Variants in GANC observed in about 807,000 individuals in gnomAD.
The protein encoded by GANC is glucosidase alpha, neutral C.
Under a neutral mutation model 124.2 loss-of-function variants are expected in GANC, and 117 were observed. The observed-to-expected ratio is 0.94, with a 90% CI of 0.81 to 1.10. The LOEUF is 1.10. GANC is among the 50% of genes least tolerant of loss of function. The probability of loss-of-function intolerance (pLI) is 0.00; values close to 1 mark genes in which losing one functional copy is unlikely to be tolerated. For synonymous variants in GANC, 377 were observed against 376.8 expected, an observed-to-expected ratio of 1.00 and a Z score of -0.01; for missense variants, 1,140 against 1,095.0, an observed-to-expected ratio of 1.04 and a Z score of -0.58.
intron 10 of GANC, 120 bp from the exon 11 acceptor site, chr15:42,321,665 C>G (rs1485994363): frequency 1.2e-6 from 1 of 845,098 alleles, no homozygotes; most frequent in Admixed American, 2.4e-5. Context: ...GCTTTCTTCT[C>G]CTTGTTATTC....
intron 4 of GANC, among the ~76,000 whole-genome samples, chr15:42,289,428 A>G (rs2051821034): frequency 6.6e-6 from 1 of 152,186 alleles, no homozygotes; most frequent in South Asian, 2.1e-4. Context: ...TTGGCCATAC[A>G]GTTACACAGT....
intron 10 of GANC, among the ~76,000 whole-genome samples, chr15:42,313,519 G>C (rs2412695): frequency 6.6e-5 from 10 of 152,008 alleles, no homozygotes; most frequent in Non-Finnish European, 1.3e-4. Context: ...ATGAAGAACT[G>C]TCTACCACTG....
At chr15:42,332,253 A>AT (rs2052252117) in intron 15 of GANC, among the ~76,000 whole-genome samples, 1 of 152,180 alleles carries the variant, frequency 6.6e-6, no homozygotes, top group South Asian at 2.1e-4. Flanking sequence ...TACCTTGGTG[A>AT]TTTTGAGTGA....
At chr15:42,274,646 T>A in intron 1 of GANC, 136 bp downstream of exon 1, 2 of 829,844 alleles carry the variant, frequency 2.4e-6, no homozygotes, top group Non-Finnish European at 3.6e-6. Context: ...GGGAAGTTAG[T>A]TGATATTAAT....
At chr15:42,324,330 G>GT (rs1246555020) in intron 11 of GANC, among the ~76,000 whole-genome samples, 1 of 152,122 alleles carries the variant, frequency 6.6e-6, no homozygotes, top group African/African-American at 2.4e-5. Flanking sequence ...TGCACCGTTG[G>GT]TAGGAATGCA....
chr15:42,331,370 G>A (rs2052244210), intron 15 of GANC, among the ~76,000 whole-genome samples: 1 of 152,178 alleles, frequency 6.6e-6, no homozygotes, highest in African/African-American at 2.4e-5. Context: ...GTTCCACTTA[G>A]AAATGTGGCT....
rs1265337021 is a variant in GANC at position 42,345,972 on chromosome 15, G to C, written c.2304+140G>C. On this transcript the variant is annotated intron_variant, in intron 20 of 23. Transcript: ENST00000318010. ...GAAGTTTTGGAGGCTGGAAGTTCCAGATCAAGGTGCCAGCCGATTCTGTTC... is the reference window on the plus strand; with the variant it reads ...GAAGTTTTGGAGGCTGGAAGTTCCACATCAAGGTGCCAGCCGATTCTGTTC... 4 of 628,252 alleles carry C rather than the reference G, an allele frequency of 6.4e-6. No homozygotes were observed. The Middle Eastern group carries it at 1.3e-3, about 203-fold the overall frequency. The allele number at this position is 628,252 out of a possible 1,614,324, so 38.9% of individuals were successfully genotyped here. A position where few individuals can be genotyped will look rare whatever the true frequency, so the allele number is the denominator to read the frequency against.
intron 11 of GANC, among the ~76,000 whole-genome samples, chr15:42,324,332 A>G (rs2052182942): frequency 6.6e-6 from 1 of 152,188 alleles, no homozygotes; most frequent in South Asian, 2.1e-4. Flanking sequence ...CACCGTTGGT[A>G]GGAATGCAAA....
At chr15:42,308,491 T>C (rs374672266) in intron 8 of GANC, among the ~76,000 whole-genome samples, 173 bp downstream of exon 8, 1 of 152,178 alleles carries the variant, frequency 6.6e-6, no homozygotes, top group Non-Finnish European at 1.5e-5. Context: ...GCAGTGGTTT[T>C]CCTTTTTTTT....
chr15:42,290,588 G>T lies in GANC; in HGVS notation c.330-2147G>T, dbSNP rs567597768. 7.2e-5 allele frequency among the ~76,000 whole-genome samples: 11 copies of T among 152,240 alleles called. 1 individual carries two copies. The South Asian group carries it at 2.3e-3, about 32-fold the overall frequency. ...TTTGGGAGGCCAAGGCAGGAGGATT[G>T]CTTGAGGTTAAGGGTTGTAGACCAG... On this transcript the variant is annotated intron_variant, in intron 4 of 23. Coordinates refer to ENST00000318010, the MANE Select transcript of GANC (RefSeq NM_198141.3).
At chr15:42,315,297 A>C (rs1037943060) in intron 10 of GANC, among the ~76,000 whole-genome samples, 1 of 152,250 alleles carries the variant, frequency 6.6e-6, no homozygotes, top group African/African-American at 2.4e-5. Context: ...CTTAAACAAC[A>C]AAAAGATAAA....
chr15:42,330,912 T>C (rs1277259988), intron 15 of GANC, among the ~76,000 whole-genome samples: 3 of 151,600 alleles, frequency 2.0e-5, no homozygotes, highest in Non-Finnish European at 4.4e-5. Context: ...CGAAGCCTCA[T>C]GAGTAGCTGG....
chr15:42,349,840 G>A (rs1321555677), intron 22 of GANC, among the ~76,000 whole-genome samples: 1 of 151,564 alleles, frequency 6.6e-6, no homozygotes, highest in Non-Finnish European at 1.5e-5. Flanking sequence ...GTAGAGACGG[G>A]GTTTCACCAT....
chr15:42,349,559 CAAA>C, intron 22 of GANC, 64 bp downstream of exon 22: 1 of 613,208 alleles, frequency 1.6e-6, no homozygotes, highest in Admixed American at 3.6e-5. Context: ...TCAGCATCCT[CAAA>C]TCAAATGCAC....
intron 19 of GANC, among the ~76,000 whole-genome samples, chr15:42,343,708 C>T (rs958876015): frequency 2.0e-5 from 3 of 152,116 alleles, no homozygotes; most frequent in Non-Finnish European, 2.9e-5. Context: ...GGGCACTGAA[C>T]CCAGGCAGGG....
At chr15:42,302,359 C>T (rs990127230) in intron 6 of GANC, among the ~76,000 whole-genome samples, 2 of 152,152 alleles carry the variant, frequency 1.3e-5, no homozygotes, top group African/African-American at 4.8e-5. Flanking sequence ...TCACCAACAT[C>T]GAAGAGCAAA....
At chr15:42,292,618 A>T (rs541132165) in intron 4 of GANC, 117 bp from the exon 5 acceptor site, 88 of 1,003,358 alleles carry the variant, frequency 8.8e-5, no homozygotes, top group Non-Finnish European at 1.1e-4. Context: ...CTGTTGCCTT[A>T]TCTATGGCTA....
chr15:42,351,934 TA>T, intron 23 of GANC, 95 bp from the exon 24 acceptor site: 1 of 1,495,416 alleles, frequency 6.7e-7, no homozygotes. Context: ...TATAAGGTTT[TA>T]TGATACAGTG....
chr15:42,327,432 C>G lies in GANC; in HGVS notation c.1490C>G (p.Pro497Arg). Residue 497 changes from proline to arginine, a missense_variant, in exon 13 of 24, where the codon CCT (proline) becomes CGT (arginine). By Grantham distance (103) the Pro-to-Arg change is moderately radical. Coordinates refer to ENST00000318010, the MANE Select transcript of GANC (RefSeq NM_198141.3). ...REWYSSLFAF[P>R]VYQGSTDILF... ...TGGTATTCAAGTCTTTTTGCTTTCC[C>G]TGTTTATCAGGTTGGTTTTTATTCC... is the stretch of plus-strand genomic sequence containing the variant. 1 of 1,612,900 alleles carries G rather than the reference C, an allele frequency of 6.2e-7. No individual in the cohort carries two copies. The highest frequency in any genetic ancestry group is 8.5e-7 in the Non-Finnish European group (1 of 1,179,226).
Sources: gnomAD v4.1 joint callset for allele counts (sites outside exome capture counted in the v4.1 genomes callset) on GRCh38, gnomAD v4.1.1 for gene constraint, MANE v1.5 for transcripts, NCBI Gene and HGNC (gene_info 2026-07-23, HGNC 2026-07-21) for gene names.